The following DSTYK variants were observed in gnomAD, a reference collection of about 807,000 sequenced individuals.
DSTYK encodes the protein dual serine/threonine and tyrosine protein kinase, also known as RIP-homologous kinase.
Under a neutral mutation model 98.7 loss-of-function variants are expected in DSTYK, and 34 were observed. The observed-to-expected ratio is 0.34, with a 90% confidence interval of 0.26 to 0.46. The LOEUF is 0.46. DSTYK is among the 20% of genes least tolerant of loss of function. The pLI is 1.00. For synonymous variants in DSTYK, 462 were observed against 457.3 expected, an observed-to-expected ratio of 1.01 and a Z score of -0.13; for missense variants, 962 against 1,181.7, an observed-to-expected ratio of 0.81 and a Z score of 2.73.
intron 1 of DSTYK, among the ~76,000 whole-genome samples, chr1:205,206,308 C>A (rs1659200007): frequency 6.7e-6 from 1 of 149,832 alleles, no homozygotes; most frequent in African/African-American, 2.4e-5. Context: ...GAGACAGAGT[C>A]TCGCTCTGTC....
rs569281019 is a variant in DSTYK at position 205,142,661 on chromosome 1, G to A, written c.*4897C>T. 2 of 152,194 alleles carry A rather than the reference G, an allele frequency of 1.3e-5. No homozygotes were observed. Among genetic ancestry groups the A allele is most frequent in the African/African-American group, 4.8e-5 (2 of 41,418 alleles). The allele number at this position is 152,194 out of a possible 1,614,324, so 9.4% of individuals were successfully genotyped here. On this transcript the variant is annotated 3_prime_UTR_variant, in exon 13 of 13. Transcript: ENST00000367162. The stretch of plus-strand genomic sequence containing the variant: ...TCTTCAAAATGCACACAATTAAGAC[G>A]GTCCTGCTGTAACAATATTATGGAA...
At position 205,161,311 on chromosome 1, in the gene DSTYK, C is replaced by T. The variant is rs535442055; in HGVS notation, c.1895G>A (p.Arg632His). The T allele has an allele frequency of 3.7e-6, 6 of 1,614,082 alleles. No individual in the cohort carries two copies. The highest frequency in any genetic ancestry group is 3.3e-5 in the South Asian group (3 of 91,070). ...WLRVRKDHAP[R>H]LARLSLESCS... Reference sequence around the variant, plus strand: ...GCTTTCCAGAGAAAGGCGGGCCAGGCGGGGAGCATGATCTTTCCGAACCCT... The same window carrying T: ...GCTTTCCAGAGAAAGGCGGGCCAGGTGGGGAGCATGATCTTTCCGAACCCT... Residue 632 changes from arginine (R) to histidine (H), a missense_variant, in exon 7 of 13, where the codon CGC becomes CAC. Arg to His is a conservative substitution (Grantham distance 29). Transcript: ENST00000367162.
At position 205,169,979 on chromosome 1, in the gene DSTYK, G is replaced by A. The variant is rs191798747; in HGVS notation, c.655-147C>T. 170 of 714,824 alleles carry A rather than the reference G, an allele frequency of 2.4e-4. No individual in the cohort carries two copies. The East Asian group carries it at 3.0e-3, about 13-fold the overall frequency. The allele number at this position is 714,824 out of a possible 1,614,324, so 44.3% of individuals were successfully genotyped here. On this transcript the variant is annotated intron_variant, in intron 2 of 12. Transcript: ENST00000367162. The surrounding 1 kb of genome is among the most constrained non-coding windows in gnomAD (Gnocchi z 4.0). ...CAGCCATTGATCCACCTCCTTCCTC[G>A]GTTACCAACACTCCCTGGTGCAGCC...
chr1:205,174,770 C>CGTTTTTTTTTTTT, intron 2 of DSTYK, among the ~76,000 whole-genome samples: 1 of 138,778 alleles, frequency 7.2e-6, no homozygotes. Context: ...CGGAGTTTCA[C>CGTTTTTTTTTTTT]TCTTGTTGCC....
intron 1 of DSTYK, among the ~76,000 whole-genome samples, chr1:205,195,663 G>T (rs182071303): frequency 6.6e-6 from 1 of 152,344 alleles, no homozygotes; most frequent in East Asian, 1.9e-4. Flanking sequence ...AATCGGAAAA[G>T]TCAAGTTGGC....
In DSTYK at chr1:205,147,366, G is replaced by A; in HGVS notation, c.*192C>T. The A allele has an allele frequency of 2.0e-6, 1 of 495,822 alleles. No homozygotes were observed. The allele number at this position is 495,822 out of a possible 1,614,324, so 30.7% of individuals were successfully genotyped here. ...GGATAGCTTGGCGCTTCAGTGAGCT[G>A]CTGAATATGCTCAGTCATTCAACTC... On this transcript the variant is annotated 3_prime_UTR_variant, in exon 13 of 13. Coordinates refer to ENST00000367162, the MANE Select transcript of DSTYK (RefSeq NM_015375.3).
chr1:205,158,670 C>T (rs919992028), intron 9 of DSTYK, among the ~76,000 whole-genome samples: 3 of 152,170 alleles, frequency 2.0e-5, no homozygotes, highest in Non-Finnish European at 2.9e-5. Context: ...CCTTACCGGC[C>T]TTCGAATGCT....
chr1:205,191,610 G>C (rs1658715864), intron 1 of DSTYK, among the ~76,000 whole-genome samples: 1 of 152,174 alleles, frequency 6.6e-6, no homozygotes, highest in African/African-American at 2.4e-5. Flanking sequence ...TGGTGTGGTG[G>C]TTTTTATTTT....
At chr1:205,207,620 G>A (rs1330592309) in intron 1 of DSTYK, among the ~76,000 whole-genome samples, 3 of 149,864 alleles carry the variant, frequency 2.0e-5, no homozygotes, top group Non-Finnish European at 4.4e-5. Flanking sequence ...GCTGGGCCTG[G>A]TGGCAGGCGC....
chr1:205,210,810 AC>A (rs1311206981), intron 1 of DSTYK, among the ~76,000 whole-genome samples: 1 of 151,910 alleles, frequency 6.6e-6, no homozygotes, highest in East Asian at 1.9e-4. Context: ...AAACCCACAC[AC>A]CCGACTACAG....
Position 205,169,498 on chromosome 1 carries a change from T to A in DSTYK, c.989A>T (p.Gln330Leu). 2.5e-6 allele frequency: 4 copies of A among 1,614,156 alleles called. No homozygotes were observed. Among genetic ancestry groups the A allele is most frequent in the Non-Finnish European group, 3.4e-6 (4 of 1,180,026 alleles). The change falls in exon 3 of 13, where the codon CAG (glutamine) becomes CTG (leucine). Residue 330 changes from glutamine (Q) to leucine (L), a missense_variant. This residue lies in a region of DSTYK where 660 missense variants were observed against 855.0 expected (regional missense o/e 0.77). Coordinates refer to ENST00000367162, the MANE Select transcript of DSTYK (RefSeq NM_015375.3). The surrounding 1 kb of genome is among the most constrained non-coding windows in gnomAD (Gnocchi z 4.0). Reference sequence around the variant, plus strand: ...TTCACTCTGTTCCACCAACATGCTCTGAGCTTTAGTATCCTGGCCAGGAGC... The same window carrying A: ...TTCACTCTGTTCCACCAACATGCTCAGAGCTTTAGTATCCTGGCCAGGAGC... ...CGAPGQDTKA[Q>L]SMLVEQSEKL...
chr1:205,162,932 T>C lies in DSTYK; in HGVS notation c.1632A>G (p.Gln544=), dbSNP rs756860232. Reference sequence around the variant, plus strand: ...AAGTAATAATCCCTACCTGTTTGATTTGCTCCCATAGCATCCTTGTAACTG... The same window carrying C: ...AAGTAATAATCCCTACCTGTTTGATCTGCTCCCATAGCATCCTTGTAACTG... ...GSSVTRMLWE[Q]IKQIIQRITW... is the part of the protein sequence containing the mutation. Residue 544 remains glutamine (Q), a synonymous_variant, in exon 5 of 13, where the codon CAA becomes CAG. Transcript: ENST00000367162. 2.5e-6 allele frequency: 4 copies of C among 1,613,120 alleles called. No individual in the cohort carries two copies. The Admixed American group carries it at 6.7e-5, about 27-fold the overall frequency.
chr1:205,151,562 C>T (rs1400205613), intron 10 of DSTYK, among the ~76,000 whole-genome samples: 1 of 152,070 alleles, frequency 6.6e-6, no homozygotes, highest in Non-Finnish European at 1.5e-5. Flanking sequence ...CAGCCTTGAA[C>T]TTCTAGGCTC....
Position 205,147,445 on chromosome 1 carries a change from C to T in DSTYK, c.*113G>A, listed in dbSNP as rs1275681091. 1.6e-6 allele frequency: 2 copies of T among 1,214,386 alleles called. No individual in the cohort carries two copies. Among genetic ancestry groups the T allele is most frequent in the Non-Finnish European group, 2.3e-6 (2 of 870,290 alleles). The allele number at this position is 1,214,386 out of a possible 1,614,324, so 75.2% of individuals were successfully genotyped here. On this transcript the variant is annotated 3_prime_UTR_variant, in exon 13 of 13. Coordinates refer to ENST00000367162, the MANE Select transcript of DSTYK (RefSeq NM_015375.3). ...GGAAGGTTCCAAGTTTCCCAGCAAG[C>T]ACCAGTTCCCTTGGGAGTGTGTCCT...
At chr1:205,163,478 C>A (rs1345282597) in intron 4 of DSTYK, among the ~76,000 whole-genome samples, 1 of 152,242 alleles carries the variant, frequency 6.6e-6, no homozygotes, top group Non-Finnish European at 1.5e-5. Context: ...CTCAGCCTCC[C>A]AAAGTGCTGG....
At chr1:205,208,250 A>G (rs1220651893) in intron 1 of DSTYK, among the ~76,000 whole-genome samples, 1 of 152,218 alleles carries the variant, frequency 6.6e-6, no homozygotes, top group Non-Finnish European at 1.5e-5. Context: ...ATTCAGAACT[A>G]TAAAATGTTA....
At chr1:205,153,759 A>G (rs1163291619) in intron 10 of DSTYK, among the ~76,000 whole-genome samples, 1 of 151,372 alleles carries the variant, frequency 6.6e-6, no homozygotes, top group Non-Finnish European at 1.5e-5. Flanking sequence ...AGCCTGGTGC[A>G]GTGGTGCGAT....
At chr1:205,161,989 G>A in intron 6 of DSTYK, 47 bp downstream of exon 6, 1 of 1,579,352 alleles carries the variant, frequency 6.3e-7, no homozygotes, top group Non-Finnish European at 8.6e-7. Context: ...TCTGGATGAG[G>A]CTCTTCTCTG....
At chr1:205,190,572 C>G (rs1462655467) in intron 1 of DSTYK, among the ~76,000 whole-genome samples, 1 of 146,394 alleles carries the variant, frequency 6.8e-6, no homozygotes, top group African/African-American at 2.5e-5. Context: ...GCCAAGATCA[C>G]GCCATTGCAC....
Sources: allele counts gnomAD v4.1 joint callset (sites outside exome capture counted in the v4.1 genomes callset), GRCh38; gene constraint gnomAD v4.1.1; regional missense constraint gnomAD v4.1.1; non-coding constraint Gnocchi (gnomAD v3.1); transcripts MANE v1.5; gene names NCBI Gene and HGNC (gene_info 2026-07-23, HGNC 2026-07-21).